Variants in RANBP2 observed in about 807,000 individuals in gnomAD.
RANBP2 encodes the protein RAN binding protein 2.
RANBP2 carries 57 observed loss-of-function variants against 303.6 expected under a neutral mutation model. That is an observed-to-expected ratio of 0.19 (90% confidence interval 0.15 to 0.23). The LOEUF (loss-of-function observed/expected upper bound fraction) is 0.23, where lower values mean the gene tolerates loss of function less well. Ranked by LOEUF, RANBP2 falls within the 10% of genes least tolerant of loss-of-function variation. The probability of loss-of-function intolerance (pLI) is 1.00; values close to 1 mark genes in which losing one functional copy is unlikely to be tolerated. For missense variants in RANBP2, 3,138 were observed against 3,780.8 expected, an observed-to-expected ratio of 0.83 and a Z score of 4.46; for synonymous variants, 1,167 against 1,301.5, an observed-to-expected ratio of 0.90 and a Z score of 2.23.
the RANBP2 span, among the ~76,000 whole-genome samples, chr2:108,903,644 G>A: frequency 6.6e-6 from 1 of 152,114 alleles, no homozygotes; most frequent in Non-Finnish European, 1.5e-5. Context: ...GCAATTCAAT[G>A]GAGGAAAGAT....
At chr2:109,628,823 C>CA in the RANBP2 span, among the ~76,000 whole-genome samples, 26,194 of 151,798 alleles carry the variant, frequency 0.17, 2,582 homozygotes, top group African/African-American at 0.27. Flanking sequence ...TTAACCTTAC[C>CA]AAAAAATATT....
chr2:108,941,753 C>T, the RANBP2 span, among the ~76,000 whole-genome samples: 4 of 152,204 alleles, frequency 2.6e-5, no homozygotes, highest in African/African-American at 9.7e-5. Flanking sequence ...GTGTATTATG[C>T]TCGCACACAG....
rs1678241983 is a variant in RANBP2 at position 108,781,311 on chromosome 2, G to C, written c.8642G>C (p.Gly2881Ala). ...QWANTGAAVF[G>A]TQSVGTQSAG... ...GCAAATACTGGAGCAGCTGTGTTTG[G>C]AACACAGTCAGTCGGAACCCAGTCA... Residue 2881 changes from glycine (G) to alanine (A), a missense_variant, in exon 26 of 29, where the codon GGA becomes GCA. Coordinates refer to ENST00000283195, the MANE Select transcript of RANBP2 (RefSeq NM_006267.5). 1 of 1,613,994 alleles carries C rather than the reference G, an allele frequency of 6.2e-7. No homozygotes were observed. Among genetic ancestry groups the C allele is most frequent in the Admixed American group, 1.7e-5 (1 of 60,006 alleles).
the RANBP2 span, among the ~76,000 whole-genome samples, chr2:109,652,227 G>GT: frequency 0.12 from 17,532 of 144,130 alleles, 1,773 homozygotes; most frequent in East Asian, 0.31. Flanking sequence ...ATTTTTGTTT[G>GT]TTTTTTTTTT....
the RANBP2 span, among the ~76,000 whole-genome samples, chr2:109,044,886 A>G: frequency 6.6e-6 from 1 of 152,170 alleles, no homozygotes; most frequent in African/African-American, 2.4e-5. Flanking sequence ...TTGTCATGTA[A>G]AAGAGGTGAT....
chr2:109,157,620 A>G, the RANBP2 span, among the ~76,000 whole-genome samples: 1 of 152,330 alleles, frequency 6.6e-6, no homozygotes, highest in African/African-American at 2.4e-5. Flanking sequence ...CCTGAATCCC[A>G]GTCTAGTGTG....
chr2:108,896,924 G>T, the RANBP2 span: 2 of 1,612,640 alleles, frequency 1.2e-6, no homozygotes, highest in Non-Finnish European at 8.5e-7. Context: ...GCAGCATGTG[G>T]CTGGGAGGCA....
chr2:109,520,275 A>G, the RANBP2 span, among the ~76,000 whole-genome samples: 5 of 152,294 alleles, frequency 3.3e-5, 1 homozygote, highest in Admixed American at 3.3e-4. Flanking sequence ...CAGAAAGATA[A>G]TAAAGGTGGG....
the RANBP2 span, among the ~76,000 whole-genome samples, chr2:108,841,784 C>T: frequency 0.072 from 10,974 of 151,902 alleles, 509 homozygotes; most frequent in South Asian, 0.15. Context: ...TTTTTAACTA[C>T]TGGGTGGTTC....
At chr2:109,078,102 A>ATATATATATAGCG in the RANBP2 span, among the ~76,000 whole-genome samples, 20 of 90,132 alleles carry the variant, frequency 2.2e-4, 1 homozygote, top group African/African-American at 7.6e-4. Flanking sequence ...ATATATATAT[A>ATATATATATAGCG]TATATATATA....
At chr2:109,265,115 G>A in the RANBP2 span, among the ~76,000 whole-genome samples, 3 of 152,116 alleles carry the variant, frequency 2.0e-5, no homozygotes, top group Non-Finnish European at 4.4e-5. Flanking sequence ...GAGGCGTTGC[G>A]AAATAGGATG....
At chr2:109,615,268 G>A in the RANBP2 span, 1 of 1,574,280 alleles carries the variant, frequency 6.4e-7, no homozygotes, top group Admixed American at 1.8e-5. Flanking sequence ...AGCGGCGGAG[G>A]CTCCGTGACG....
chr2:108,953,557 G>A, the RANBP2 span, among the ~76,000 whole-genome samples: 9 of 152,060 alleles, frequency 5.9e-5, no homozygotes, highest in African/African-American at 2.2e-4. Flanking sequence ...TCCAATACCT[G>A]ATGACAGTTG....
At chr2:109,708,379 C>T in the RANBP2 span, among the ~76,000 whole-genome samples, 4 of 151,608 alleles carry the variant, frequency 2.6e-5, no homozygotes, top group East Asian at 3.9e-4. Context: ...AAAATAAGGC[C>T]GAGTGTGGTG....
At chr2:108,770,351 AG>A (rs1229816527) in intron 20 of RANBP2, among the ~76,000 whole-genome samples, 1 of 152,238 alleles carries the variant, frequency 6.6e-6, no homozygotes, top group African/African-American at 2.4e-5. Flanking sequence ...AATGATACTA[AG>A]TTTTTGTTTA....
the RANBP2 span, among the ~76,000 whole-genome samples, chr2:109,276,149 C>T: frequency 6.6e-6 from 1 of 152,122 alleles, no homozygotes; most frequent in Admixed American, 6.6e-5. Flanking sequence ...CACGAGGGTT[C>T]GAGTTAGGAG....
chr2:109,001,039 C>T, the RANBP2 span, among the ~76,000 whole-genome samples: 21 of 152,218 alleles, frequency 1.4e-4, no homozygotes, highest in Non-Finnish European at 4.4e-5. Context: ...AGAGAACCCT[C>T]ACCCCATTGT....
At chr2:109,355,305 A>C in the RANBP2 span, among the ~76,000 whole-genome samples, 1,185 of 152,316 alleles carry the variant, frequency 7.8e-3, 16 homozygotes, top group African/African-American at 0.027. Flanking sequence ...TTGGCCCAGG[A>C]ACTTGTCTGC....
At chr2:109,130,169 G>T in the RANBP2 span, 10 of 1,252,284 alleles carry the variant, frequency 8.0e-6, no homozygotes, top group Non-Finnish European at 1.0e-5. Flanking sequence ...GTGGGTGGGT[G>T]CTTGGGCGTG....
Sources: allele counts gnomAD v4.1 joint callset (sites outside exome capture counted in the v4.1 genomes callset), GRCh38; gene constraint gnomAD v4.1.1; transcripts MANE v1.5; gene names NCBI Gene and HGNC (gene_info 2026-07-23, HGNC 2026-07-21).